Variants in FARSB observed in about 807,000 individuals in gnomAD.
FARSB encodes phenylalanine--tRNA ligase beta subunit.
A neutral mutation model predicts 69.6 loss-of-function variants in FARSB; 40 were observed. That is an observed-to-expected ratio of 0.57 (90% CI 0.45 to 0.75). FARSB has a LOEUF of 0.75. Ranked by LOEUF, FARSB falls within the 30% of genes least tolerant of loss-of-function variation. The probability of loss-of-function intolerance (pLI) is 0.00; values close to 1 mark genes in which losing one functional copy is unlikely to be tolerated. For synonymous variants in FARSB, 235 were observed against 247.2 expected, an observed-to-expected ratio of 0.95 and a Z score of 0.46; for missense variants, 632 against 722.9, an observed-to-expected ratio of 0.87 and a Z score of 1.44.
chr2:222,572,932 T>A (rs1689751057), intron 16 of FARSB, among the ~76,000 whole-genome samples: 1 of 152,146 alleles, frequency 6.6e-6, no homozygotes, highest in African/African-American at 2.4e-5. Context: ...TGAAAAGGGA[T>A]CAGGCCTGCA....
At chr2:222,654,583 C>T (rs561639414) in intron 1 of FARSB, among the ~76,000 whole-genome samples, 5 of 152,104 alleles carry the variant, frequency 3.3e-5, no homozygotes, top group African/African-American at 9.7e-5. Context: ...TATAAATAAG[C>T]TCATTATAAA....
At chr2:222,640,632 T>C (rs769568318) in intron 4 of FARSB, among the ~76,000 whole-genome samples, 15 of 152,208 alleles carry the variant, frequency 9.9e-5, no homozygotes, top group Non-Finnish European at 1.9e-4. Context: ...GGCGTGTGCC[T>C]GTACTCCCAA....
chr2:222,597,718 C>T (rs1196243499), intron 16 of FARSB, among the ~76,000 whole-genome samples: 1 of 152,216 alleles, frequency 6.6e-6, no homozygotes, highest in Non-Finnish European at 1.5e-5. Flanking sequence ...TTCCTTGGAT[C>T]CTATGAGCAC....
intron 8 of FARSB, among the ~76,000 whole-genome samples, chr2:222,630,594 C>G (rs1691393518): frequency 6.6e-6 from 1 of 152,092 alleles, no homozygotes; most frequent in African/African-American, 2.4e-5. Context: ...ATGAAAATTC[C>G]TATCTTGTCT....
intron 10 of FARSB, among the ~76,000 whole-genome samples, chr2:222,626,914 T>C (rs1179220161): frequency 1.3e-5 from 2 of 151,998 alleles, no homozygotes; most frequent in African/African-American, 2.4e-5. Context: ...CGGGCGCCTG[T>C]AGTCCCAGCT....
At chr2:222,619,878 G>A (rs1447390202) in intron 13 of FARSB, 141 bp from the exon 14 acceptor site, 1 of 509,414 alleles carries the variant, frequency 2.0e-6, no homozygotes, top group East Asian at 2.9e-5. Flanking sequence ...CCTGGTGTGA[G>A]CTGAAGTAAA....
chr2:222,655,041 C>CA (rs1185583171), intron 1 of FARSB, among the ~76,000 whole-genome samples: 2 of 151,646 alleles, frequency 1.3e-5, no homozygotes, highest in African/African-American at 2.4e-5. Flanking sequence ...TCTAAAAATA[C>CA]AAAAAAATTA....
At chr2:222,572,156 T>C (rs182018748) in intron 16 of FARSB, 134 bp from the exon 17 acceptor site, 133 of 698,358 alleles carry the variant, frequency 1.9e-4, no homozygotes, top group African/African-American at 1.9e-3. Context: ...AAGAGAACGC[T>C]TCCTCATACT....
intron 4 of FARSB, 101 bp downstream of exon 4, chr2:222,640,760 CA>C (rs948738271): frequency 0.013 from 7,211 of 550,534 alleles, no homozygotes; most frequent in South Asian, 0.019. Flanking sequence ...TGTCTCAAAA[CA>C]AAAAAAAAAG....
At position 222,629,835 on chromosome 2, in the gene FARSB, G is replaced by C. The variant is rs1171433587; in HGVS notation, c.848+278C>G. Among the ~76,000 whole-genome samples, 4 of 152,220 alleles carry C rather than the reference G, an allele frequency of 2.6e-5. No individual in the cohort carries two copies. The East Asian group carries it at 7.7e-4, about 29-fold the overall frequency. On this transcript the variant is annotated intron_variant, in intron 9 of 16. Transcript: ENST00000281828. ...AGCTCACAGCAGCCTCGACCTCCCA[G>C]ACTCAAGCAATCCTCCTGCCTCAGT...
intron 16 of FARSB, among the ~76,000 whole-genome samples, chr2:222,597,961 TA>T (rs1690464159): frequency 6.6e-6 from 1 of 152,190 alleles, no homozygotes; most frequent in Admixed American, 6.6e-5. Flanking sequence ...ACTCCAAATA[TA>T]GTTTCAAGCT....
At chr2:222,640,959 C>A (rs1234757188) in intron 3 of FARSB, 28 bp from the exon 4 acceptor site, 15 of 1,083,480 alleles carry the variant, frequency 1.4e-5, no homozygotes, top group Non-Finnish European at 1.9e-5. Context: ...TGAATTTACT[C>A]ATAATTAATC....
chr2:222,580,045 C>G (rs1255755248), intron 16 of FARSB, among the ~76,000 whole-genome samples: 1 of 152,116 alleles, frequency 6.6e-6, no homozygotes, highest in Non-Finnish European at 1.5e-5. Context: ...GACTCTATCA[C>G]AGTTGATTAG....
At chr2:222,572,571 C>G (rs1243529142) in intron 16 of FARSB, among the ~76,000 whole-genome samples, 2 of 152,206 alleles carry the variant, frequency 1.3e-5, no homozygotes, top group Non-Finnish European at 2.9e-5. Context: ...GGGAACCACA[C>G]CTCTGATGAC....
At chr2:222,646,314 C>A (rs750020315) in intron 2 of FARSB, among the ~76,000 whole-genome samples, 3 of 150,382 alleles carry the variant, frequency 2.0e-5, no homozygotes, top group Non-Finnish European at 3.0e-5. Flanking sequence ...CCCAGAACAG[C>A]TGGGAGCAGA....
In FARSB at chr2:222,603,235, G is replaced by GA. The variant is rs534261939; in HGVS notation, c.1463-3153dup. Reference sequence around the variant, plus strand: ...TATCTGAGGGAATAAACTGAAAACAGAAAGCTGCTTCATGTTAGCATACAT... The same window carrying GA: ...TATCTGAGGGAATAAACTGAAAACAGAAAAGCTGCTTCATGTTAGCATACAT... On this transcript the variant is annotated intron_variant, in intron 15 of 16. Coordinates refer to ENST00000281828, the MANE Select transcript of FARSB (RefSeq NM_005687.5). Among the ~76,000 whole-genome samples, 413 of 152,250 alleles carry GA rather than the reference G, an allele frequency of 2.7e-3. 1 individual carries two copies. Among genetic ancestry groups the GA allele is most frequent in the African/African-American group, 9.4e-3 (392 of 41,564 alleles).
chr2:222,645,644 C>T (rs1325189268), intron 2 of FARSB, among the ~76,000 whole-genome samples: 2 of 148,728 alleles, frequency 1.3e-5, no homozygotes, highest in Non-Finnish European at 1.5e-5. Flanking sequence ...AAAAATTGGG[C>T]TTTTATTGGC....
chr2:222,632,793 G>A (rs1402599375), intron 7 of FARSB, among the ~76,000 whole-genome samples: 5 of 148,208 alleles, frequency 3.4e-5, no homozygotes, highest in Non-Finnish European at 7.4e-5. Flanking sequence ...CAGCCTGGGC[G>A]ACAGAGCAAG....
chr2:222,588,153 T>C (rs181089809), intron 16 of FARSB, among the ~76,000 whole-genome samples: 14 of 152,308 alleles, frequency 9.2e-5, no homozygotes, highest in South Asian at 6.2e-4. Context: ...ATCAAAAAGC[T>C]TATCCACCAT....
Sources: allele counts gnomAD v4.1 joint callset (sites outside exome capture counted in the v4.1 genomes callset), GRCh38; gene constraint gnomAD v4.1.1; transcripts MANE v1.5; gene names NCBI Gene and HGNC (gene_info 2026-07-23, HGNC 2026-07-21).